Variants in COL5A1 observed in about 807,000 individuals in gnomAD.
The protein encoded by COL5A1 is collagen type V alpha 1 chain, also known as collagen alpha-1(V) chain.
In COL5A1, 16 loss-of-function variants were observed where a neutral mutation model predicts 263.7. The ratio of observed to expected loss-of-function variants is 0.06; its 90% CI spans 0.04 to 0.09. The LOEUF is 0.09. COL5A1 is among the 10% of genes least tolerant of loss of function. COL5A1 has a pLI of 1.00. For missense variants in COL5A1, 2,036 were observed against 2,540.5 expected, an observed-to-expected ratio of 0.80 and a Z score of 4.27; for synonymous variants, 1,012 against 1,004.5, an observed-to-expected ratio of 1.01 and a Z score of -0.14.
rs1031138847 is a variant in COL5A1 at position 134,824,861 on chromosome 9, G to A, written c.4954+6G>A. 1 of 1,608,790 alleles carries A rather than the reference G, an allele frequency of 6.2e-7. No homozygotes were observed. Among genetic ancestry groups the A allele is most frequent in the Admixed American group, 1.7e-5 (1 of 59,568 alleles). On this transcript the variant is annotated splice_donor_region_variant and intron_variant, in intron 62 of 65. Coordinates refer to ENST00000371817, the MANE Select transcript of COL5A1 (RefSeq NM_000093.5). The stretch of plus-strand genomic sequence containing the variant: ...CCACCCCGACTTCCCAGATGGTGAG[G>A]GCCTGGGGGGGCAGGGGTGGCCCCC...
intron 25 of COL5A1, among the ~76,000 whole-genome samples, chr9:134,771,840 T>A (rs1300721379): frequency 6.6e-6 from 1 of 152,200 alleles, no homozygotes; most frequent in Non-Finnish European, 1.5e-5. Flanking sequence ...GCCCAGCCTC[T>A]TTCCTGGAAT....
At chr9:134,785,809 A>G (rs755201217) in intron 30 of COL5A1, among the ~76,000 whole-genome samples, 186 bp from the exon 31 acceptor site, 3 of 151,982 alleles carry the variant, frequency 2.0e-5, no homozygotes, top group Non-Finnish European at 4.4e-5. Flanking sequence ...CCTGGATTTC[A>G]TGGGTGCTGG....
chr9:134,744,575 GCA>G (rs921534637), intron 11 of COL5A1, among the ~76,000 whole-genome samples: 17 of 140,304 alleles, frequency 1.2e-4, no homozygotes, highest in South Asian at 4.6e-4. Context: ...ATACATGCAT[GCA>G]CACACACTTA....
chr9:134,750,586 C>G lies in COL5A1; in HGVS notation c.1539C>G (p.Pro513=). The G allele has an allele frequency of 6.2e-7, 1 of 1,613,536 alleles. No individual in the cohort carries two copies. The highest frequency in any genetic ancestry group is 1.1e-5 in the South Asian group (1 of 91,086). The change falls in exon 12 of 66, where the codon CCC becomes CCG. Residue 513 remains proline (P), a synonymous_variant. Transcript: ENST00000371817. ...GCCTTCCTGGGGCCGATGGCCTGCC[C>G]GGTCCTCCAGGAACCATGCTCATGC... is the stretch of plus-strand genomic sequence containing the variant. ...RPGLPGADGL[P]GPPGTMLMLP...
chr9:134,710,207 G>A (rs983495464), intron 4 of COL5A1, among the ~76,000 whole-genome samples: 3 of 152,350 alleles, frequency 2.0e-5, no homozygotes, highest in East Asian at 3.9e-4. Context: ...GGCCCGCCCC[G>A]TGCTCACTCA....
chr9:134,753,902 A>G lies in COL5A1; in HGVS notation c.1772A>G (p.Gln591Arg). 6.2e-7 allele frequency: 1 copy of G among 1,612,648 alleles called. No homozygotes were observed. The highest frequency in any genetic ancestry group is 8.5e-7 in the Non-Finnish European group (1 of 1,179,470). ...LKGEPGDVGP[Q>R]GPRGVQGPPG... ...GGCGAGCCGGGAGACGTGGGGCCTC[A>G]GGTATGTGGGATCCTTGCCTTCGCT... is the stretch of plus-strand genomic sequence containing the variant. The change falls in exon 15 of 66, where the codon CAG (glutamine) becomes CGG (arginine). Residue 591 changes from glutamine (Q) to arginine (R), a missense_variant and splice_region_variant. By Grantham distance (43) the Gln-to-Arg change is conservative. Transcript: ENST00000371817.
chr9:134,760,396 A>C (rs1180424536), intron 18 of COL5A1, among the ~76,000 whole-genome samples: 2 of 66,692 alleles, frequency 3.0e-5, no homozygotes, highest in Admixed American at 2.1e-4. Flanking sequence ...ACACCCCCAC[A>C]CCCCCACACT....
intron 1 of COL5A1, among the ~76,000 whole-genome samples, chr9:134,650,843 G>C (rs775421630): frequency 6.6e-6 from 1 of 152,362 alleles, no homozygotes; most frequent in South Asian, 2.1e-4. Context: ...CCTCAAACCC[G>C]CCCTTCGTGC....
intron 27 of COL5A1, among the ~76,000 whole-genome samples, chr9:134,778,354 G>A (rs1164834833): frequency 6.6e-6 from 1 of 152,280 alleles, no homozygotes; most frequent in Non-Finnish European, 1.5e-5. Flanking sequence ...GCTGTGCTCA[G>A]TGGGGGCAGT....
rs1365755470 is a variant in COL5A1, at chr9:134,841,419, C to T, written c.5371-738C>T. ...TGCCTGTGTTCTGGGAGGGAGGCGG[C>T]CTCTCCTAGGCTTCCATCCCACATC... On this transcript the variant is annotated intron_variant, in intron 65 of 65. Transcript: ENST00000371817. The surrounding 1 kb of genome is among the most constrained non-coding windows in gnomAD (Gnocchi z 4.8). Among the ~76,000 whole-genome samples, 1 of 152,156 alleles carries T rather than the reference C, an allele frequency of 6.6e-6. No individual in the cohort carries two copies. The highest frequency in any genetic ancestry group is 2.4e-5 in the African/African-American group (1 of 41,422).
intron 50 of COL5A1, 31 bp from the exon 51 acceptor site, chr9:134,815,545 C>T (rs1167813320): frequency 6.2e-7 from 1 of 1,609,192 alleles, no homozygotes; most frequent in Non-Finnish European, 8.5e-7. Context: ...TTGCTGATGG[C>T]CTTGGCTGCT....
intron 1 of COL5A1, among the ~76,000 whole-genome samples, chr9:134,684,916 TCCATCCATTCATCCATCCATCCA>T (rs374952433): frequency 0.03 from 4,584 of 151,184 alleles, 133 homozygotes; most frequent in African/African-American, 0.076. Context: ...CATTCACCCA[TCCATCCATTCATCCATCCATCCA>T]CCATCCATTC....
At chr9:134,823,874 G>A (rs894178738) in intron 61 of COL5A1, among the ~76,000 whole-genome samples, 2 of 152,010 alleles carry the variant, frequency 1.3e-5, no homozygotes, top group South Asian at 4.2e-4. Context: ...GTGTGTGCAT[G>A]ATGTGTGTAT....
intron 27 of COL5A1, among the ~76,000 whole-genome samples, chr9:134,778,845 C>T (rs529120489): frequency 2.0e-5 from 3 of 152,352 alleles, no homozygotes; most frequent in East Asian, 1.9e-4. Flanking sequence ...GCAACCACGC[C>T]GCTGCCCTGT....
In COL5A1 at chr9:134,778,317, C is replaced by T. The variant is rs114732782; in HGVS notation, c.2386-1785C>T. Reference sequence around the variant, plus strand: ...TCACTTCTCACCTTCCTGGGCTGCCCGGGCCCACAGGTGCTGCCAAGCGCG... The same window carrying T: ...TCACTTCTCACCTTCCTGGGCTGCCTGGGCCCACAGGTGCTGCCAAGCGCG... On this transcript the variant is annotated intron_variant, in intron 27 of 65. Coordinates refer to ENST00000371817, the MANE Select transcript of COL5A1 (RefSeq NM_000093.5). 3.3e-3 allele frequency among the ~76,000 whole-genome samples: 510 copies of T among 152,350 alleles called. 4 individuals are homozygous for T. Among genetic ancestry groups the T allele is most frequent in the African/African-American group, 0.011 (463 of 41,582 alleles).
chr9:134,829,558 C>A (rs1372132853), intron 63 of COL5A1, among the ~76,000 whole-genome samples: 4 of 148,172 alleles, frequency 2.7e-5, no homozygotes, highest in Non-Finnish European at 4.5e-5. Flanking sequence ...CCGGTCTCCC[C>A]GAGGGCCCAG....
In COL5A1 at chr9:134,704,003, G is replaced by A. The variant is rs149284059; in HGVS notation, c.654+2670G>A. Among the ~76,000 whole-genome samples, 126 of 152,194 alleles carry A rather than the reference G, an allele frequency of 8.3e-4. No individual in the cohort carries two copies. In the Middle Eastern group the frequency reaches 0.024, roughly 29 times the overall value. On this transcript the variant is annotated intron_variant, in intron 4 of 65. Transcript: ENST00000371817. The stretch of plus-strand genomic sequence containing the variant: ...CTGTGTCAAATCTTTGTAATTTCTA[G>A]TGTGTTCTGTTGTAAAGATTCAGGA...
chr9:134,718,935 C>G (rs1036266556), intron 4 of COL5A1, among the ~76,000 whole-genome samples: 1 of 152,142 alleles, frequency 6.6e-6, no homozygotes, highest in African/African-American at 2.4e-5. Flanking sequence ...TTTGCCGAGG[C>G]GTGAGGTAGG....
intron 2 of COL5A1, among the ~76,000 whole-genome samples, chr9:134,692,078 T>C (rs1223038830): frequency 1.3e-5 from 2 of 152,242 alleles, no homozygotes; most frequent in Non-Finnish European, 2.9e-5. Context: ...TTTACATCCA[T>C]GTGACCTTGA....
Sources: allele counts gnomAD v4.1 joint callset (sites outside exome capture counted in the v4.1 genomes callset), GRCh38; gene constraint gnomAD v4.1.1; non-coding constraint Gnocchi (gnomAD v3.1); transcripts MANE v1.5; gene names NCBI Gene and HGNC (gene_info 2026-07-23, HGNC 2026-07-21).